The following GALNT13 variants were observed in gnomAD, a reference collection of about 807,000 sequenced individuals.
The protein encoded by GALNT13 is UDP-GalNAc:polypeptide N-acetylgalactosaminyltransferase 13.
A neutral mutation model predicts 64.2 loss-of-function variants in GALNT13; 28 were observed. That is an observed-to-expected ratio of 0.44 (90% confidence interval 0.32 to 0.60). GALNT13 has a LOEUF of 0.60. Among genes scored for constraint, GALNT13 ranks in the 20% least tolerant of loss-of-function variants. The pLI is 0.05. For synonymous variants in GALNT13, 214 were observed against 224.6 expected, an observed-to-expected ratio of 0.95 and a Z score of 0.42; for missense variants, 577 against 669.8, an observed-to-expected ratio of 0.86 and a Z score of 1.53.
chr2:153,961,936 G>T (rs1692975138), intron 3 of GALNT13, among the ~76,000 whole-genome samples: 2 of 152,098 alleles, frequency 1.3e-5, no homozygotes, highest in South Asian at 4.1e-4. Context: ...GCTTATAGTG[G>T]GTGCTCACTT....
At chr2:154,016,837 T>G (rs1216049152) in intron 3 of GALNT13, among the ~76,000 whole-genome samples, 1 of 152,164 alleles carries the variant, frequency 6.6e-6, no homozygotes, top group African/African-American at 2.4e-5. Context: ...TAATTGAATG[T>G]TAAAAGGTGT....
intron 3 of GALNT13, among the ~76,000 whole-genome samples, chr2:154,011,856 T>C (rs1696660544): frequency 6.6e-6 from 1 of 152,352 alleles, no homozygotes; most frequent in African/African-American, 2.4e-5. Flanking sequence ...GTCTAATGTT[T>C]GTTTTGTCTT....
intron 4 of GALNT13, among the ~76,000 whole-genome samples, chr2:154,239,881 A>G (rs898418398): frequency 3.3e-5 from 5 of 152,200 alleles, no homozygotes; most frequent in Non-Finnish European, 7.4e-5. Flanking sequence ...ACAATCAAGT[A>G]TCTGTTATAT....
At chr2:153,565,592 T>C in the GALNT13 span, among the ~76,000 whole-genome samples, 1 of 152,142 alleles carries the variant, frequency 6.6e-6, no homozygotes, top group African/African-American at 2.4e-5. Context: ...GGCAAGACAA[T>C]GTGTTATGAA....
intron 2 of GALNT13, among the ~76,000 whole-genome samples, chr2:153,940,578 C>A (rs1378276190): frequency 6.6e-6 from 1 of 152,018 alleles, no homozygotes; most frequent in Non-Finnish European, 1.5e-5. Context: ...TTTATTCATA[C>A]AAAGATCTGT....
chr2:154,305,703 T>C (rs1393884180), intron 9 of GALNT13, among the ~76,000 whole-genome samples: 1 of 152,174 alleles, frequency 6.6e-6, no homozygotes, highest in East Asian at 1.9e-4. Context: ...ATCACCTGAC[T>C]ACTGTATTGG....
the GALNT13 span, among the ~76,000 whole-genome samples, chr2:153,702,884 G>A: frequency 6.6e-6 from 1 of 152,150 alleles, no homozygotes; most frequent in East Asian, 1.9e-4. Flanking sequence ...AACCAGGTAA[G>A]ATCACTTGAT....
chr2:153,173,526 T>C, the GALNT13 span, among the ~76,000 whole-genome samples: 1 of 152,154 alleles, frequency 6.6e-6, no homozygotes, highest in African/African-American at 2.4e-5. Flanking sequence ...TGTGTGTATC[T>C]GTCTTGTTTT....
At chr2:153,326,579 G>A in the GALNT13 span, among the ~76,000 whole-genome samples, 3 of 152,094 alleles carry the variant, frequency 2.0e-5, no homozygotes, top group African/African-American at 7.2e-5. Context: ...TCTTCATAGT[G>A]TCGATGGTCT....
intron 7 of GALNT13, among the ~76,000 whole-genome samples, chr2:154,248,570 T>C (rs1689906000): frequency 6.7e-6 from 1 of 150,358 alleles, no homozygotes; most frequent in Admixed American, 6.6e-5. Context: ...TAGAAGTGTT[T>C]TATTTGGCAT....
chr2:153,189,153 T>A, the GALNT13 span, among the ~76,000 whole-genome samples: 2 of 152,200 alleles, frequency 1.3e-5, no homozygotes, highest in Non-Finnish European at 2.9e-5. Flanking sequence ...CTGAGGATTA[T>A]GCTGGTAGGC....
At chr2:153,418,606 T>C in the GALNT13 span, among the ~76,000 whole-genome samples, 200 of 152,258 alleles carry the variant, frequency 1.3e-3, no homozygotes, top group African/African-American at 4.6e-3. Flanking sequence ...AAATGAACAT[T>C]GTTTTTAGCA....
chr2:153,682,020 T>A, the GALNT13 span, among the ~76,000 whole-genome samples: 1 of 151,732 alleles, frequency 6.6e-6, no homozygotes, highest in Non-Finnish European at 1.5e-5. Flanking sequence ...GCTATCACAG[T>A]TCTTGCGCTG....
chr2:153,246,499 T>A, the GALNT13 span, among the ~76,000 whole-genome samples: 2 of 152,224 alleles, frequency 1.3e-5, no homozygotes, highest in Non-Finnish European at 2.9e-5. Context: ...ATATTCAACA[T>A]TCTTAAAGAA....
At chr2:153,962,246 C>T (rs928439368) in intron 3 of GALNT13, among the ~76,000 whole-genome samples, 5 of 151,990 alleles carry the variant, frequency 3.3e-5, no homozygotes, top group Non-Finnish European at 5.9e-5. Flanking sequence ...ACTTTCTCCA[C>T]GATATACAGA....
chr2:154,438,802 C>A, intron 12 of GALNT13, 76 bp downstream of exon 12: 2 of 1,222,264 alleles, frequency 1.6e-6, no homozygotes, highest in South Asian at 1.5e-5. Context: ...ACATTTAAAT[C>A]TTAAGCTGGT....
intron 9 of GALNT13, among the ~76,000 whole-genome samples, chr2:154,393,815 A>G (rs1698914000): frequency 6.6e-6 from 1 of 152,046 alleles, no homozygotes; most frequent in Non-Finnish European, 1.5e-5. Flanking sequence ...GCGGTGGCTC[A>G]CGCCTGTAAT....
intron 3 of GALNT13, among the ~76,000 whole-genome samples, chr2:154,133,100 G>A (rs564560520): frequency 3.9e-5 from 6 of 152,164 alleles, no homozygotes; most frequent in African/African-American, 7.2e-5. Flanking sequence ...TAAACTAAAC[G>A]GTGAAATTAT....
At chr2:153,561,755 T>C in the GALNT13 span, among the ~76,000 whole-genome samples, 1 of 151,914 alleles carries the variant, frequency 6.6e-6, no homozygotes, top group Non-Finnish European at 1.5e-5. Context: ...TTTGTTTTGT[T>C]ATAGACTTTA....
Sources: gnomAD v4.1 joint callset for allele counts (sites outside exome capture counted in the v4.1 genomes callset) on GRCh38, gnomAD v4.1.1 for gene constraint, MANE v1.5 for transcripts, NCBI Gene and HGNC (gene_info 2026-07-23, HGNC 2026-07-21) for gene names.